The following MYO18A variants were observed in gnomAD, a reference collection of about 807,000 sequenced individuals.
MYO18A encodes the protein unconventional myosin-XVIIIa.
MYO18A carries 78 observed loss-of-function variants against 235.8 expected under a neutral mutation model. The observed-to-expected ratio is 0.33, with a 90% confidence interval of 0.28 to 0.40. The LOEUF is 0.40. MYO18A is among the 10% of genes least tolerant of loss of function. The pLI, the probability that MYO18A is intolerant of heterozygous loss-of-function variation, is 1.00. For synonymous variants in MYO18A, 977 were observed against 1,077.8 expected (o/e 0.91, Z 1.83); for missense variants, 2,215 against 2,699.3 (o/e 0.82, Z 3.98).
intron 2 of MYO18A, among the ~76,000 whole-genome samples, chr17:29,142,899 C>T (rs2067771205): frequency 6.6e-6 from 1 of 152,264 alleles, no homozygotes; most frequent in Non-Finnish European, 1.5e-5. Context: ...CCTCCGCCTC[C>T]CAGGTTCAAG....
chr17:29,176,965 G>A (rs2068547647), intron 1 of MYO18A, among the ~76,000 whole-genome samples: 1 of 152,218 alleles, frequency 6.6e-6, no homozygotes, highest in Admixed American at 6.5e-5. Flanking sequence ...GGGCCATGGA[G>A]GAACGCGAGC....
Position 29,140,821 on chromosome 17 carries a change from C to G in MYO18A, c.1000-18568G>C, listed in dbSNP as rs1375727127. 6.6e-6 allele frequency among the ~76,000 whole-genome samples: 1 copy of G among 152,170 alleles called. No homozygotes were observed. Among genetic ancestry groups the G allele is most frequent in the African/African-American group, 2.4e-5 (1 of 41,418 alleles). On this transcript the variant is annotated intron_variant, in intron 2 of 41. Transcript: ENST00000527372. This position sits in a 1 kb window ranked among gnomAD's most constrained non-coding sequence, Gnocchi z 4.2. Reference sequence around the variant, plus strand: ...ACGTATACACACACACACACACACACCAGCATGCACGAACATTCAATCAAC... The same window carrying G: ...ACGTATACACACACACACACACACAGCAGCATGCACGAACATTCAATCAAC...
chr17:29,127,019 A>G (rs1009453089), intron 2 of MYO18A, among the ~76,000 whole-genome samples: 2 of 152,224 alleles, frequency 1.3e-5, no homozygotes, highest in Admixed American at 6.5e-5. Flanking sequence ...GAGGGCATCA[A>G]TAACAACTGT....
At chr17:29,110,138 A>G (rs2066893170) in intron 18 of MYO18A, 37 bp from the exon 19 acceptor site, 2 of 1,596,410 alleles carry the variant, frequency 1.3e-6, no homozygotes, top group African/African-American at 1.3e-5. Flanking sequence ...GTGGGCTCTG[A>G]TGGCCTGTGC....
intron 23 of MYO18A, 46 bp downstream of exon 23, chr17:29,098,780 G>A: frequency 6.2e-7 from 1 of 1,609,142 alleles, no homozygotes; most frequent in Middle Eastern, 1.7e-4. Flanking sequence ...AAACCAGCAA[G>A]GCTTCCCCCT....
intron 2 of MYO18A, among the ~76,000 whole-genome samples, chr17:29,161,749 C>T (rs2152968671): frequency 6.6e-6 from 1 of 152,304 alleles, no homozygotes; most frequent in African/African-American, 2.4e-5. Context: ...CTCTCCCAGG[C>T]CCTAGTCTCC....
chr17:29,092,475 C>T lies in MYO18A; in HGVS notation c.5074-19G>A. ...CCTCCAGCTGGACACAGACCACCCCCGCCCCAGGGAGAGATGTCAGCCATT... is the reference window on the plus strand; with the variant it reads ...CCTCCAGCTGGACACAGACCACCCCTGCCCCAGGGAGAGATGTCAGCCATT... On this transcript the variant is annotated intron_variant, in intron 33 of 41. Coordinates refer to ENST00000527372, the MANE Select transcript of MYO18A (RefSeq NM_078471.4). 1.3e-6 allele frequency: 2 copies of T among 1,592,738 alleles called. No homozygotes were observed. Among genetic ancestry groups the T allele is most frequent in the Non-Finnish European group, 8.6e-7 (1 of 1,166,834 alleles).
In MYO18A at chr17:29,111,978, C is replaced by T. The variant is rs140594863; in HGVS notation, c.2599-115G>A. Reference sequence around the variant, plus strand: ...TGCTACACATGTGCACACATGCACACACGCACATGCCGCAGCTCCTGCCGC... The same window carrying T: ...TGCTACACATGTGCACACATGCACATACGCACATGCCGCAGCTCCTGCCGC... On this transcript the variant is annotated intron_variant, in intron 15 of 41. Coordinates refer to ENST00000527372, the MANE Select transcript of MYO18A (RefSeq NM_078471.4). This position sits in a 1 kb window ranked among gnomAD's most constrained non-coding sequence, Gnocchi z 5.1. 1.7e-5 allele frequency: 22 copies of T among 1,293,476 alleles called. No individual in the cohort carries two copies. In the African/African-American group the frequency reaches 2.7e-4, roughly 16 times the overall value. 80.1% of individuals were successfully genotyped at this position (1,293,476 alleles called of 1,614,324 possible).
At chr17:29,095,207 G>A in intron 28 of MYO18A, 148 bp from the exon 29 acceptor site, 1 of 1,258,806 alleles carries the variant, frequency 7.9e-7, no homozygotes, top group Non-Finnish European at 1.1e-6. Flanking sequence ...TAAGGTAGCG[G>A]TGACATTTAG....
At chr17:29,102,661 A>G (rs891152979) in intron 21 of MYO18A, among the ~76,000 whole-genome samples, 1 of 152,224 alleles carries the variant, frequency 6.6e-6, no homozygotes, top group Non-Finnish European at 1.5e-5. Flanking sequence ...AAAGCCAGAG[A>G]CAGCAGAAGC....
chr17:29,104,940 G>A (rs1428733102), intron 20 of MYO18A, among the ~76,000 whole-genome samples: 1 of 152,042 alleles, frequency 6.6e-6, no homozygotes, highest in Non-Finnish European at 1.5e-5. Flanking sequence ...CAGCACTTTG[G>A]GAGGCTGAGG....
intron 2 of MYO18A, chr17:29,124,680 A>G (rs771098615): frequency 7.0e-6 from 9 of 1,285,306 alleles, no homozygotes; most frequent in Non-Finnish European, 9.1e-6. Flanking sequence ...AGGCGGCCTC[A>G]GAGTCCAGCT....
At chr17:29,134,878 G>A (rs1016481343) in intron 2 of MYO18A, among the ~76,000 whole-genome samples, 8 of 152,102 alleles carry the variant, frequency 5.3e-5, no homozygotes, top group Admixed American at 2.6e-4. Flanking sequence ...ACCTAGGAGA[G>A]GAATTGAGGA....
Position 29,098,561 on chromosome 17 carries a change from G to A in MYO18A, c.3781-116C>T, listed in dbSNP as rs2066578757. On this transcript the variant is annotated intron_variant, in intron 23 of 41. Coordinates refer to ENST00000527372, the MANE Select transcript of MYO18A (RefSeq NM_078471.4). Reference sequence around the variant, plus strand: ...GAAGCTTGGGCCAGGACGCCATGGGGAAGGCATGTCCCCAATAGCAGAGCC... The same window carrying A: ...GAAGCTTGGGCCAGGACGCCATGGGAAAGGCATGTCCCCAATAGCAGAGCC... 11 of 1,254,096 alleles carry A rather than the reference G, an allele frequency of 8.8e-6. No individual in the cohort carries two copies. In the South Asian group the frequency reaches 1.4e-4, roughly 16 times the overall value. The allele number at this position is 1,254,096 out of a possible 1,614,324, so 77.7% of individuals were successfully genotyped here.
rs921492810 is a variant in MYO18A at position 29,082,820 on chromosome 17, A to C, written c.5898-382T>G. ...GTTCTTCAGTGACTCCTTGAGGCCT[A>C]CTCTGCTGTTTCTTGTCTGCCATTC... On this transcript the variant is annotated intron_variant, in intron 40 of 41. Coordinates refer to ENST00000527372, the MANE Select transcript of MYO18A (RefSeq NM_078471.4). 3.3e-5 allele frequency among the ~76,000 whole-genome samples: 5 copies of C among 152,146 alleles called. No individual in the cohort carries two copies. The East Asian group carries it at 7.7e-4, about 23-fold the overall frequency.
intron 41 of MYO18A, chr17:29,076,393 T>C (rs1598256987): frequency 6.8e-6 from 1 of 147,738 alleles, no homozygotes; most frequent in Admixed American, 6.7e-5. Context: ...CTTGGGCAAG[T>C]GCCCAGGGGT....
chr17:29,146,925 G>A (rs1424144364), intron 2 of MYO18A, among the ~76,000 whole-genome samples: 4 of 152,234 alleles, frequency 2.6e-5, no homozygotes, highest in Non-Finnish European at 5.9e-5. Flanking sequence ...AAGGTGGGCA[G>A]TCAAAGGAAC....
chr17:29,167,641 G>A (rs1374805529), intron 1 of MYO18A, among the ~76,000 whole-genome samples: 2 of 151,898 alleles, frequency 1.3e-5, no homozygotes, highest in African/African-American at 4.8e-5. Context: ...AGGAGGTCGA[G>A]GTTGCAGTGA....
At chr17:29,093,752 GC>G (rs774967512) in intron 31 of MYO18A, among the ~76,000 whole-genome samples, 65 of 152,224 alleles carry the variant, frequency 4.3e-4, no homozygotes, top group Non-Finnish European at 7.5e-4. Flanking sequence ...ACAGGGGGCT[GC>G]CCCTGGCACA....
Sources: gnomAD v4.1 joint callset for allele counts (sites outside exome capture counted in the v4.1 genomes callset) on GRCh38, gnomAD v4.1.1 for gene constraint, Gnocchi (gnomAD v3.1) non-coding constraint, MANE v1.5 for transcripts, NCBI Gene and HGNC (gene_info 2026-07-23, HGNC 2026-07-21) for gene names.